Variants in GABRA3 observed in about 807,000 individuals in gnomAD.
The protein encoded by GABRA3 is gamma-aminobutyric acid receptor subunit alpha-3.
Under a neutral mutation model 30.1 loss-of-function variants are expected in GABRA3, and 10 were observed. That is an observed-to-expected ratio of 0.33 (90% CI 0.20 to 0.56). GABRA3 has a LOEUF of 0.56. GABRA3 is among the 20% of genes least tolerant of loss of function. The probability of loss-of-function intolerance (pLI) is 0.89; values close to 1 mark genes in which losing one functional copy is unlikely to be tolerated. For synonymous variants in GABRA3, 151 were observed against 146.8 expected (o/e 1.03, Z -0.21); for missense variants, 233 against 392.0 (o/e 0.59, Z 3.42).
intron 5 of GABRA3, among the ~76,000 whole-genome samples, chrX:152,234,110 T>A (rs1412125614): frequency 1.9e-5 from 2 of 104,938 alleles, no homozygotes; most frequent in African/African-American, 7.0e-5. Context: ...GAGGAGTTAG[T>A]GGGTGCAGTG....
chrX:152,168,219 C>T lies in GABRA3; in HGVS notation c.*9G>A, dbSNP rs1353893957. Reference sequence around the variant, plus strand: ...TACAGTGCTCTGGTTGCTGCACTGCCACCACTATCTACTGTTTGCGGATCA... The same window carrying T: ...TACAGTGCTCTGGTTGCTGCACTGCTACCACTATCTACTGTTTGCGGATCA... On this transcript the variant is annotated 3_prime_UTR_variant, in exon 10 of 10. Coordinates refer to ENST00000370314, the MANE Select transcript of GABRA3 (RefSeq NM_000808.4). 1 of 1,199,560 alleles carries T rather than the reference C, an allele frequency of 8.3e-7. No individual in the cohort carries two copies. The highest frequency in any genetic ancestry group is 1.8e-5 in the South Asian group (1 of 56,274).
chrX:152,204,078 A>G (rs1277353888), intron 7 of GABRA3, among the ~76,000 whole-genome samples: 1 of 111,838 alleles, frequency 8.9e-6, no homozygotes, highest in Non-Finnish European at 1.9e-5. Flanking sequence ...AGATCAATAA[A>G]TATAGCTAAC....
intron 5 of GABRA3, among the ~76,000 whole-genome samples, chrX:152,244,568 A>G (rs1938431946): frequency 9.0e-6 from 1 of 111,685 alleles, no homozygotes; most frequent in African/African-American, 3.3e-5. Context: ...AAGAACAGTG[A>G]GAAATAAGTT....
chrX:152,224,695 A>G, intron 6 of GABRA3, 68 bp downstream of exon 6: 3 of 802,475 alleles, frequency 3.7e-6, no homozygotes, highest in Non-Finnish European at 5.5e-6. Context: ...ACAGAATATA[A>G]TATGTTAAGT....
At chrX:152,228,100 A>C (rs1432454450) in intron 5 of GABRA3, among the ~76,000 whole-genome samples, 1 of 111,840 alleles carries the variant, frequency 8.9e-6, no homozygotes, top group Non-Finnish European at 1.9e-5. Flanking sequence ...TATGCAGTTA[A>C]CCATTGACAC....
At chrX:152,229,793 G>A (rs914690741) in intron 5 of GABRA3, among the ~76,000 whole-genome samples, 1 of 110,523 alleles carries the variant, frequency 9.0e-6, no homozygotes, top group Non-Finnish European at 1.9e-5. Flanking sequence ...TTAAGCAGAG[G>A]GTAATTTGAT....
chrX:152,312,715 A>C lies in GABRA3; in HGVS notation c.263-27980T>G, dbSNP rs1345425082. The stretch of plus-strand genomic sequence containing the variant: ...GGACAGCCTACAGAATGGGAAAAAT[A>C]ATCACAAACTACACATCTGACAAAG... On this transcript the variant is annotated intron_variant, in intron 3 of 9. Transcript: ENST00000370314. Among the ~76,000 whole-genome samples, 5 of 112,131 alleles carry C rather than the reference A, an allele frequency of 4.5e-5. No homozygotes were observed. The Admixed American group carries it at 4.7e-4, about 11-fold the overall frequency.
intron 1 of GABRA3, among the ~76,000 whole-genome samples, chrX:152,433,126 A>G (rs1419770442): frequency 9.0e-6 from 1 of 111,424 alleles, no homozygotes; most frequent in Non-Finnish European, 1.9e-5. Flanking sequence ...AATTAGAAAT[A>G]CAATGAAACT....
chrX:152,293,679 T>C (rs1187060410), intron 3 of GABRA3, among the ~76,000 whole-genome samples: 3 of 112,101 alleles, frequency 2.7e-5, no homozygotes, highest in Non-Finnish European at 5.6e-5. Context: ...TGATGTTAGC[T>C]GATTATATTG....
chrX:152,364,281 G>A, intron 2 of GABRA3, 150 bp downstream of exon 2: 1 of 495,583 alleles, frequency 2.0e-6, no homozygotes, highest in Non-Finnish European at 3.3e-6. Context: ...TTGAGAGTCT[G>A]AGCCTATGAC....
chrX:152,352,161 T>C (rs770118562), intron 2 of GABRA3, among the ~76,000 whole-genome samples: 2 of 110,685 alleles, frequency 1.8e-5, no homozygotes, highest in African/African-American at 3.3e-5. Context: ...ATGGCACCAA[T>C]AGACTCACTC....
intron 6 of GABRA3, among the ~76,000 whole-genome samples, chrX:152,223,117 G>A (rs1937873990): frequency 9.0e-6 from 1 of 111,462 alleles, no homozygotes; most frequent in African/African-American, 3.3e-5. Context: ...GCAATCCAAG[G>A]CCAGAACTGG....
Position 152,220,849 on chromosome X carries a change from G to A in GABRA3, c.634+3914C>T, listed in dbSNP as rs185569263. On this transcript the variant is annotated intron_variant, in intron 6 of 9. Transcript: ENST00000370314. Reference sequence around the variant, plus strand: ...TGTGTGTGTCTGTCTGTGCCTGTGTGCATGTGCATGTGCGTGTGTGTGCCT... The same window carrying A: ...TGTGTGTGTCTGTCTGTGCCTGTGTACATGTGCATGTGCGTGTGTGTGCCT... Among the ~76,000 whole-genome samples the A allele has an allele frequency of 4.5e-4, 50 of 110,648 alleles. No homozygotes were observed. The Admixed American group carries it at 4.8e-3, about 11-fold the overall frequency.
At chrX:152,450,087 A>C (rs1007689285) in intron 1 of GABRA3, among the ~76,000 whole-genome samples, 4 of 111,179 alleles carry the variant, frequency 3.6e-5, no homozygotes, top group Non-Finnish European at 5.7e-5. Flanking sequence ...TTCCCCTACC[A>C]GTTCTGAAGG....
intron 2 of GABRA3, among the ~76,000 whole-genome samples, chrX:152,346,543 G>T (rs1325626766): frequency 8.9e-6 from 1 of 111,864 alleles, no homozygotes. Context: ...AATCAACAAA[G>T]TGAAGGGACA....
At chrX:152,237,858 G>T (rs1281830585) in intron 5 of GABRA3, among the ~76,000 whole-genome samples, 2 of 109,872 alleles carry the variant, frequency 1.8e-5, no homozygotes, top group Non-Finnish European at 3.8e-5. Context: ...CTGAGACTTT[G>T]CTGAAGTTGC....
At chrX:152,269,343 C>CA (rs1281813607) in intron 4 of GABRA3, among the ~76,000 whole-genome samples, 4 of 111,541 alleles carry the variant, frequency 3.6e-5, no homozygotes. Context: ...TGAAGGGGCA[C>CA]AAAAAATGGA....
At chrX:152,338,744 C>T (rs992162504) in intron 3 of GABRA3, among the ~76,000 whole-genome samples, 4 of 112,071 alleles carry the variant, frequency 3.6e-5, no homozygotes, top group African/African-American at 1.3e-4. Context: ...CATTCTTCTG[C>T]ATATAATTAT....
At chrX:152,238,461 G>C (rs1174793509) in intron 5 of GABRA3, among the ~76,000 whole-genome samples, 1 of 106,639 alleles carries the variant, frequency 9.4e-6, no homozygotes, top group Non-Finnish European at 1.9e-5. Flanking sequence ...TCTCTTTTTT[G>C]GTTGTGTCTC....
Sources: gnomAD v4.1 joint callset for allele counts (sites outside exome capture counted in the v4.1 genomes callset) on GRCh38, gnomAD v4.1.1 for gene constraint, MANE v1.5 for transcripts, NCBI Gene and HGNC (gene_info 2026-07-23, HGNC 2026-07-21) for gene names.